Variants in TPM1 observed in about 807,000 individuals in gnomAD.
The protein encoded by TPM1 is tropomyosin alpha-1 chain.
A neutral mutation model predicts 42.9 loss-of-function variants in TPM1; 24 were observed. That is an observed-to-expected ratio of 0.56 (90% CI 0.41 to 0.79). The LOEUF is 0.79. Ranked by LOEUF, TPM1 falls within the 30% of genes least tolerant of loss-of-function variation. The probability of loss-of-function intolerance (pLI) is 0.00; values close to 1 mark genes in which losing one functional copy is unlikely to be tolerated. For synonymous variants in TPM1, 136 were observed against 130.1 expected (o/e 1.05, Z -0.31); for missense variants, 158 against 351.8 (o/e 0.45, Z 4.41).
intron 2 of TPM1, chr15:63,048,375 C>T: frequency 1.5e-6 from 2 of 1,331,396 alleles, no homozygotes; most frequent in Non-Finnish European, 1.9e-6. Context: ...CCGCGCGCGC[C>T]CGCCTGCGGT....
intron 2 of TPM1, chr15:63,048,753 C>G: frequency 6.6e-7 from 1 of 1,519,360 alleles, no homozygotes; most frequent in Non-Finnish European, 8.8e-7. Context: ...GGCGCATCCT[C>G]CCGGGGCAGC....
intron 7 of TPM1, 149 bp downstream of exon 7, chr15:63,062,426 C>A: frequency 8.1e-7 from 1 of 1,229,296 alleles, no homozygotes; most frequent in Non-Finnish European, 1.2e-6. Context: ...GTGCTAACTG[C>A]CATTTCTCAC....
At chr15:63,059,761 C>A in intron 4 of TPM1, 81 bp downstream of exon 4, 2 of 1,000,280 alleles carry the variant, frequency 2.0e-6, no homozygotes, top group Non-Finnish European at 3.1e-6. Context: ...AGTCTTGATT[C>A]CCGAGTGAGG....
In TPM1 at chr15:63,044,292, T is replaced by C. The variant is rs2031916059; in HGVS notation, c.240+140T>C. 3 of 1,239,282 alleles carry C rather than the reference T, an allele frequency of 2.4e-6. No individual in the cohort carries two copies. The East Asian group carries it at 7.3e-5, about 30-fold the overall frequency. 76.8% of individuals were successfully genotyped at this position (1,239,282 alleles called of 1,614,324 possible). On this transcript the variant is annotated intron_variant, in intron 2 of 9. Coordinates refer to ENST00000403994, the MANE Select transcript of TPM1 (RefSeq NM_001018005.2). ...CACAGCCCTGCCATGGCCCAGAGCA[T>C]TGGATGCCGCCTCTGACTGCTACTG... is the stretch of plus-strand genomic sequence containing the variant.
chr15:63,054,080 A>T (rs2140870195), intron 2 of TPM1, among the ~76,000 whole-genome samples: 1 of 152,250 alleles, frequency 6.6e-6, no homozygotes, highest in African/African-American at 2.4e-5. Context: ...TCTAGCTAAA[A>T]AATTGAGACC....
At chr15:63,063,950 T>G in intron 8 of TPM1, 114 bp from the exon 9 acceptor site, 1 of 1,475,148 alleles carries the variant, frequency 6.8e-7, no homozygotes, top group Non-Finnish European at 9.1e-7. Flanking sequence ...CCTTCATGCA[T>G]TGCCCTTTTC....
intron 8 of TPM1, 177 bp downstream of exon 8, chr15:63,062,822 T>A: frequency 6.5e-7 from 1 of 1,537,324 alleles, no homozygotes; most frequent in Non-Finnish European, 8.7e-7. Context: ...CTAAGTCTTC[T>A]GCTCACGAGG....
chr15:63,064,091 A>C lies in TPM1; in HGVS notation c.800A>C (p.Tyr267Ser). 6.2e-7 allele frequency: 1 copy of C among 1,614,168 alleles called. No homozygotes were observed. The highest frequency in any genetic ancestry group is 1.1e-5 in the South Asian group (1 of 91,074). ...EDELYAQKLK[Y>S]KAISEELDHA... ...GAGCTGTACGCTCAGAAACTGAAGT[A>C]CAAAGCCATCAGCGAGGAGCTGGAC... The change falls in exon 9 of 10, where the codon TAC (tyrosine) becomes TCC (serine). Residue 267 changes from tyrosine to serine, a missense_variant. By Grantham distance (144) the Tyr-to-Ser change is moderately radical. Transcript: ENST00000403994.
chr15:63,049,774 A>C (rs2033445557), intron 2 of TPM1, among the ~76,000 whole-genome samples: 1 of 152,212 alleles, frequency 6.6e-6, no homozygotes, highest in African/African-American at 2.4e-5. Flanking sequence ...CAGATAAAAT[A>C]CAAGCAGGAA....
At chr15:63,064,262 G>C (rs2036023569) in intron 9 of TPM1, 120 bp downstream of exon 9, 3 of 1,543,162 alleles carry the variant, frequency 1.9e-6, no homozygotes, top group South Asian at 1.2e-5. Context: ...CACCCTTTTT[G>C]TCATAACCTA....
At chr15:63,063,980 G>T (rs1325371202) in intron 8 of TPM1, 84 bp from the exon 9 acceptor site, 4 of 1,571,600 alleles carry the variant, frequency 2.5e-6, no homozygotes, top group East Asian at 4.6e-5. Context: ...TGTTGGGATG[G>T]TGCGCGCACC....
At chr15:63,056,146 A>C (rs957924602) in intron 2 of TPM1, 7 of 152,230 alleles carry the variant, frequency 4.6e-5, no homozygotes, top group Admixed American at 2.0e-4. Context: ...TTTTAGAACC[A>C]CTGAATTTTA....
chr15:63,071,336 G>A, exon 9 of TPM1: 1 of 732,134 alleles, frequency 1.4e-6, no homozygotes, highest in Non-Finnish European at 2.2e-6. Flanking sequence ...AAAAAGGCAA[G>A]CCCATGTCAG....
At chr15:63,051,985 G>C (rs2033970143) in intron 2 of TPM1, among the ~76,000 whole-genome samples, 1 of 151,592 alleles carries the variant, frequency 6.6e-6, no homozygotes. Context: ...ACCATGTTGG[G>C]GTGGGGGAAT....
chr15:63,048,515 C>A, intron 2 of TPM1: 1 of 1,489,124 alleles, frequency 6.7e-7, no homozygotes, highest in South Asian at 1.3e-5. Context: ...GCAGCCGGGT[C>A]CGCAGGGCAG....
intron 1 of TPM1, chr15:63,043,635 C>T: frequency 6.5e-7 from 1 of 1,533,376 alleles, no homozygotes. Flanking sequence ...GCCAACCCGA[C>T]GCCCGTGTGT....
At chr15:63,052,410 C>T (rs1313704902) in intron 2 of TPM1, among the ~76,000 whole-genome samples, 1 of 152,170 alleles carries the variant, frequency 6.6e-6, no homozygotes, top group African/African-American at 2.4e-5. Context: ...GTAATCCTAG[C>T]TACTGGGGAG....
At chr15:63,069,356 A>G (rs1420798044), downstream of TPM1, among the ~76,000 whole-genome samples, 9 of 152,246 alleles carry the variant, frequency 5.9e-5, no homozygotes, top group East Asian at 1.7e-3. Context: ...AGTAACCCCC[A>G]GTTGGTCCTA....
rs1277042482 is a variant in TPM1 at position 63,063,261 on chromosome 15, A to G, written c.772+616A>G. On this transcript the variant is annotated intron_variant, in intron 8 of 9. Transcript: ENST00000403994. Reference sequence around the variant, plus strand: ...GGATTAGCTGTGAACAAGAAAGAAAAAAGACAAATATCTACATCACAGAAG... The same window carrying G: ...GGATTAGCTGTGAACAAGAAAGAAAGAAGACAAATATCTACATCACAGAAG... 1.0e-5 allele frequency: 10 copies of G among 985,340 alleles called. No individual in the cohort carries two copies. In the Admixed American group the frequency reaches 1.8e-4, roughly 18 times the overall value. 61.0% of individuals were successfully genotyped at this position (985,340 alleles called of 1,614,324 possible). A position where few individuals can be genotyped will look rare whatever the true frequency, so the allele number is the denominator to read the frequency against.
Sources: gnomAD v4.1 joint callset for allele counts (sites outside exome capture counted in the v4.1 genomes callset) on GRCh38, gnomAD v4.1.1 for gene constraint, MANE v1.5 for transcripts, NCBI Gene and HGNC (gene_info 2026-07-23, HGNC 2026-07-21) for gene names.